Variants in ST8SIA4 observed in about 807,000 individuals in gnomAD.
ST8SIA4 encodes the protein CMP-N-acetylneuraminate-poly-alpha-2,8-sialyltransferase.
A neutral mutation model predicts 33.9 loss-of-function variants in ST8SIA4; 15 were observed. The observed-to-expected ratio is 0.44, with a 90% CI of 0.30 to 0.68. The LOEUF is 0.68. Ranked by LOEUF, ST8SIA4 falls within the 30% of genes least tolerant of loss-of-function variation. ST8SIA4 has a pLI of 0.10. For synonymous variants in ST8SIA4, 171 were observed against 151.2 expected, an observed-to-expected ratio of 1.13 and a Z score of -0.96; for missense variants, 321 against 428.0, an observed-to-expected ratio of 0.75 and a Z score of 2.21.
chr5:100,864,389 A>G (rs1230245413), intron 3 of ST8SIA4, among the ~76,000 whole-genome samples: 1 of 151,762 alleles, frequency 6.6e-6, no homozygotes, highest in Non-Finnish European at 1.5e-5. Context: ...CCTGGCTAAC[A>G]TGGTGAAACC....
chr5:100,886,171 A>T, intron 3 of ST8SIA4, 172 bp downstream of exon 3: 1 of 1,409,126 alleles, frequency 7.1e-7, no homozygotes, highest in Non-Finnish European at 9.2e-7. Flanking sequence ...CGCAATAATT[A>T]TAATATTCTA....
intron 4 of ST8SIA4, among the ~76,000 whole-genome samples, chr5:100,818,673 T>C (rs752299027): frequency 2.6e-5 from 4 of 152,140 alleles, no homozygotes; most frequent in Non-Finnish European, 5.9e-5. Context: ...CTGTGTCAAG[T>C]AGCTGAGAAA....
chr5:100,884,617 A>G (rs1236119083), intron 3 of ST8SIA4, among the ~76,000 whole-genome samples: 1 of 152,218 alleles, frequency 6.6e-6, no homozygotes, highest in African/African-American at 2.4e-5. Context: ...CACTCTTAAG[A>G]CAGAGAAAGA....
chr5:100,900,466 G>GT lies in ST8SIA4; in HGVS notation c.113+2376dup, dbSNP rs776091599. On this transcript the variant is annotated intron_variant, in intron 1 of 4. Transcript: ENST00000231461. ...AGTCAACTCCTCCACCAGAAGCGCT[G>GT]TTTGGGAGTTGAAACGAAATAATGA... 4.2e-5 allele frequency: 19 copies of GT among 456,272 alleles called. No homozygotes were observed. In the East Asian group the frequency reaches 1.3e-3, roughly 30 times the overall value. 28.3% of individuals were successfully genotyped at this position (456,272 alleles called of 1,614,324 possible).
chr5:100,810,804 A>C lies in ST8SIA4; in HGVS notation c.*1043T>G, dbSNP rs965116324. 6.6e-6 allele frequency: 1 copy of C among 152,498 alleles called. No individual in the cohort carries two copies. Among genetic ancestry groups the C allele is most frequent in the Non-Finnish European group, 1.5e-5 (1 of 68,028 alleles). 9.4% of individuals were successfully genotyped at this position (152,498 alleles called of 1,614,324 possible). ...TTCCTTTAGAATGGCCTAATATTAC[A>C]TAGTGGTTCACTTTAGCTGGTACCT... is the stretch of plus-strand genomic sequence containing the variant. On this transcript the variant is annotated 3_prime_UTR_variant, in exon 5 of 5. Transcript: ENST00000231461.
chr5:100,859,727 T>G (rs1385321213), intron 3 of ST8SIA4, among the ~76,000 whole-genome samples: 2 of 152,134 alleles, frequency 1.3e-5, no homozygotes, highest in African/African-American at 2.4e-5. Flanking sequence ...ATATTTATTT[T>G]AGAATTCATA....
intron 3 of ST8SIA4, among the ~76,000 whole-genome samples, chr5:100,870,115 C>A (rs569557909): frequency 1.3e-5 from 2 of 152,048 alleles, no homozygotes; most frequent in Non-Finnish European, 2.9e-5. Context: ...TCTGTCCTTG[C>A]GATAGTTTAC....
chr5:100,881,717 G>A (rs1752428412), intron 3 of ST8SIA4, among the ~76,000 whole-genome samples: 1 of 152,132 alleles, frequency 6.6e-6, no homozygotes, highest in African/African-American at 2.4e-5. Context: ...ACATATTGTT[G>A]GAGGGCCCTG....
chr5:100,811,564 T>C lies in ST8SIA4; in HGVS notation c.*283A>G. 7.3e-6 allele frequency: 2 copies of C among 274,216 alleles called. No homozygotes were observed. Among genetic ancestry groups the C allele is most frequent in the South Asian group, 1.1e-4 (2 of 18,586 alleles). The allele number at this position is 274,216 out of a possible 1,614,324, so 17.0% of individuals were successfully genotyped here. On this transcript the variant is annotated 3_prime_UTR_variant, in exon 5 of 5. Coordinates refer to ENST00000231461, the MANE Select transcript of ST8SIA4 (RefSeq NM_005668.6). ...TGAACATATTTGCTTTGTTAACTAA[T>C]GATGAGTGCACTGTTGGATCTTGTA...
chr5:100,897,751 TA>T (rs1752811545), intron 1 of ST8SIA4, among the ~76,000 whole-genome samples: 1 of 152,222 alleles, frequency 6.6e-6, no homozygotes, highest in African/African-American at 2.4e-5. Context: ...CATAATTCTA[TA>T]AAAATTAATA....
At chr5:100,812,420 A>G (rs1750834102) in intron 4 of ST8SIA4, among the ~76,000 whole-genome samples, 2 of 152,130 alleles carry the variant, frequency 1.3e-5, no homozygotes, top group Admixed American at 1.3e-4. Context: ...AATAGCAAAC[A>G]TTTATATAAC....
chr5:100,812,695 TA>T (rs897495947), intron 4 of ST8SIA4, among the ~76,000 whole-genome samples: 19 of 151,916 alleles, frequency 1.3e-4, no homozygotes, highest in African/African-American at 3.4e-4. Context: ...AGAACAACAA[TA>T]AAAAAAAGTT....
chr5:100,848,710 A>G (rs1751621017), intron 4 of ST8SIA4, among the ~76,000 whole-genome samples: 1 of 150,602 alleles, frequency 6.6e-6, no homozygotes, highest in South Asian at 2.1e-4. Flanking sequence ...AATAAATACT[A>G]CTTCAGATAT....
At chr5:100,863,785 C>T (rs975209905) in intron 3 of ST8SIA4, among the ~76,000 whole-genome samples, 2 of 152,118 alleles carry the variant, frequency 1.3e-5, no homozygotes, top group Admixed American at 6.5e-5. Context: ...ATACAATTAT[C>T]TTTTCTGATA....
intron 4 of ST8SIA4, among the ~76,000 whole-genome samples, chr5:100,818,021 C>T (rs564540166): frequency 1.3e-5 from 2 of 152,220 alleles, no homozygotes; most frequent in South Asian, 4.2e-4. Context: ...ATTTAATCCT[C>T]ACCAAAAACC....
At chr5:100,859,370 C>T (rs528155607) in intron 3 of ST8SIA4, among the ~76,000 whole-genome samples, 2 of 152,142 alleles carry the variant, frequency 1.3e-5, no homozygotes, top group East Asian at 3.9e-4. Flanking sequence ...AAATGATGGA[C>T]TTTGGTGAGT....
chr5:100,892,338 T>G (rs929590746), intron 2 of ST8SIA4, among the ~76,000 whole-genome samples: 2 of 152,130 alleles, frequency 1.3e-5, no homozygotes, highest in African/African-American at 4.8e-5. Context: ...GAACAAACTT[T>G]TATCAACAAT....
At chr5:100,849,966 C>G (rs1445938913) in intron 4 of ST8SIA4, among the ~76,000 whole-genome samples, 1 of 152,144 alleles carries the variant, frequency 6.6e-6, no homozygotes, top group African/African-American at 2.4e-5. Context: ...CCTTTGCAAT[C>G]ACTACAAAAG....
At chr5:100,816,532 A>G (rs755724255) in intron 4 of ST8SIA4, 19 of 526,828 alleles carry the variant, frequency 3.6e-5, no homozygotes, top group Non-Finnish European at 7.0e-5. Flanking sequence ...GAAAGTAATG[A>G]CAAAAACTGC....
Sources: allele counts gnomAD v4.1 joint callset (sites outside exome capture counted in the v4.1 genomes callset), GRCh38; gene constraint gnomAD v4.1.1; transcripts MANE v1.5; gene names NCBI Gene and HGNC (gene_info 2026-07-23, HGNC 2026-07-21).